The following IRAG1 variants were observed in gnomAD, a reference collection of about 807,000 sequenced individuals.
IRAG1 encodes the protein inositol 1,4,5-triphosphate receptor associated 1.
A neutral mutation model predicts 106.2 loss-of-function variants in IRAG1; 62 were observed. The ratio of observed to expected loss-of-function variants is 0.58; its 90% confidence interval spans 0.48 to 0.72. The LOEUF (loss-of-function observed/expected upper bound fraction) is 0.72. Ranked by LOEUF, IRAG1 falls within the 30% of genes least tolerant of loss-of-function variation. IRAG1 has a pLI of 0.00. For missense variants in IRAG1, 1,064 were observed against 1,140.7 expected (o/e 0.93, Z 0.97); for synonymous variants, 462 against 443.9 (o/e 1.04, Z -0.51).
chr11:10,615,152 A>AT (rs1855296228), intron 10 of IRAG1, among the ~76,000 whole-genome samples: 1 of 152,268 alleles, frequency 6.6e-6, no homozygotes, highest in Non-Finnish European at 1.5e-5. Context: ...AAAAGAAGAC[A>AT]TTTATGCAGC....
At chr11:10,691,298 C>T (rs540397536) in intron 1 of IRAG1, among the ~76,000 whole-genome samples, 6 of 152,232 alleles carry the variant, frequency 3.9e-5, no homozygotes, top group Non-Finnish European at 7.3e-5. Flanking sequence ...AGACACACAA[C>T]GGGTGAGGAA....
At chr11:10,661,266 TC>T (rs1193692062) in intron 1 of IRAG1, among the ~76,000 whole-genome samples, 1 of 152,116 alleles carries the variant, frequency 6.6e-6, no homozygotes, top group Non-Finnish European at 1.5e-5. Flanking sequence ...CTGCCTTCTG[TC>T]CTCCTTCTAT....
intron 15 of IRAG1, among the ~76,000 whole-genome samples, chr11:10,596,133 A>G (rs1009977035): frequency 2.0e-5 from 3 of 152,134 alleles, no homozygotes; most frequent in Admixed American, 2.0e-4. Context: ...TGTCTTTGCT[A>G]TTGTGAAAAG....
intron 10 of IRAG1, among the ~76,000 whole-genome samples, chr11:10,612,528 A>G (rs548810972): frequency 6.6e-6 from 1 of 152,348 alleles, no homozygotes; most frequent in East Asian, 1.9e-4. Flanking sequence ...GAAGGAGTCA[A>G]CAAAAACTAA....
chr11:10,579,198 A>G (rs2134066469), intron 20 of IRAG1, among the ~76,000 whole-genome samples: 1 of 152,282 alleles, frequency 6.6e-6, no homozygotes, highest in Non-Finnish European at 1.5e-5. Flanking sequence ...AATGGGGTCG[A>G]CCAGCATGGG....
chr11:10,608,842 CTATT>C (rs1854699898), intron 11 of IRAG1, among the ~76,000 whole-genome samples: 1 of 152,204 alleles, frequency 6.6e-6, no homozygotes, highest in Admixed American at 6.5e-5. Flanking sequence ...TGAGGAAGTA[CTATT>C]TATTTTTAAA....
intron 4 of IRAG1, among the ~76,000 whole-genome samples, chr11:10,630,777 T>A (rs997862471): frequency 3.3e-5 from 5 of 152,214 alleles, no homozygotes; most frequent in East Asian, 1.9e-4. Context: ...CCATTTCACC[T>A]CCATCGGGTT....
intron 1 of IRAG1, among the ~76,000 whole-genome samples, chr11:10,668,109 T>C (rs1036003882): frequency 6.6e-6 from 1 of 152,236 alleles, no homozygotes; most frequent in East Asian, 1.9e-4. Context: ...TCCCCCCATC[T>C]GTCTCCATGA....
chr11:10,628,939 G>T lies in IRAG1; in HGVS notation c.575-111C>A. The T allele has an allele frequency of 1.0e-6, 1 of 970,798 alleles. No individual in the cohort carries two copies. Among genetic ancestry groups the T allele is most frequent in the Non-Finnish European group, 1.5e-6 (1 of 648,732 alleles). 60.1% of individuals were successfully genotyped at this position (970,798 alleles called of 1,614,324 possible). A position where few individuals can be genotyped will look rare whatever the true frequency, so the allele number is the denominator to read the frequency against. Reference sequence around the variant, plus strand: ...CCCTGGGAACTGGGTCTGCCTTGCTGGGCTCAGGGGCTGATGCTGGACTGC... The same window carrying T: ...CCCTGGGAACTGGGTCTGCCTTGCTTGGCTCAGGGGCTGATGCTGGACTGC... On this transcript the variant is annotated intron_variant, in intron 5 of 20. Coordinates refer to ENST00000423302, the MANE Select transcript of IRAG1 (RefSeq NM_130385.4). The surrounding 1 kb of genome is among the most constrained non-coding windows in gnomAD (Gnocchi z 4.1).
intron 18 of IRAG1, among the ~76,000 whole-genome samples, chr11:10,586,679 A>C (rs958143695): frequency 6.6e-6 from 1 of 151,988 alleles, no homozygotes; most frequent in African/African-American, 2.4e-5. Flanking sequence ...CGGCCTCCCA[A>C]AGTGCTGGGG....
intron 19 of IRAG1, among the ~76,000 whole-genome samples, chr11:10,580,815 G>A (rs1449770054): frequency 1.3e-5 from 2 of 152,208 alleles, no homozygotes; most frequent in African/African-American, 2.4e-5. Flanking sequence ...GTGAAAGTGT[G>A]ACAAAACTGA....
intron 15 of IRAG1, 79 bp downstream of exon 15, chr11:10,600,839 T>C: frequency 6.4e-7 from 1 of 1,568,994 alleles, no homozygotes; most frequent in South Asian, 1.2e-5. Context: ...GGGGCTGTTC[T>C]GACAGCTCTA....
At chr11:10,604,657 A>G in intron 12 of IRAG1, 112 bp from the exon 13 acceptor site, 1 of 1,256,562 alleles carries the variant, frequency 8.0e-7, no homozygotes, top group Non-Finnish European at 1.1e-6. Context: ...AACAGCCGCC[A>G]AAGCACCAAA....
intron 1 of IRAG1, among the ~76,000 whole-genome samples, chr11:10,685,876 C>T (rs1861629671): frequency 6.6e-6 from 1 of 152,174 alleles, no homozygotes. Context: ...CAAGGTGATG[C>T]TCCTTGGGGA....
chr11:10,603,388 G>A, intron 13 of IRAG1, 137 bp from the exon 14 acceptor site: 1 of 921,928 alleles, frequency 1.1e-6, no homozygotes, highest in South Asian at 1.7e-5. Flanking sequence ...GATGGTTTGG[G>A]GATGAAACTC....
At chr11:10,617,353 GA>G (rs1855512552) in intron 10 of IRAG1, 1 of 202,646 alleles carries the variant, frequency 4.9e-6, no homozygotes, top group Non-Finnish European at 8.7e-6. Context: ...AGGAGCAAGG[GA>G]AAAAGAGGGA....
At chr11:10,679,467 T>A (rs1317356576) in intron 1 of IRAG1, among the ~76,000 whole-genome samples, 1 of 152,154 alleles carries the variant, frequency 6.6e-6, no homozygotes, top group Non-Finnish European at 1.5e-5. Flanking sequence ...ACTTTGCAGA[T>A]AAGGAAACTG....
intron 1 of IRAG1, among the ~76,000 whole-genome samples, chr11:10,680,700 G>C (rs1554935858): frequency 6.6e-6 from 1 of 152,074 alleles, no homozygotes; most frequent in Non-Finnish European, 1.5e-5. Context: ...CCTGCCATGT[G>C]ACCTTGGGCA....
chr11:10,650,189 T>C (rs929669257), intron 2 of IRAG1, among the ~76,000 whole-genome samples: 3 of 152,242 alleles, frequency 2.0e-5, no homozygotes, highest in Non-Finnish European at 2.9e-5. Context: ...CAAGATGTTG[T>C]AGAACTTGGC....
Sources: allele counts gnomAD v4.1 joint callset (sites outside exome capture counted in the v4.1 genomes callset), GRCh38; gene constraint gnomAD v4.1.1; non-coding constraint Gnocchi (gnomAD v3.1); transcripts MANE v1.5; gene names NCBI Gene and HGNC (gene_info 2026-07-23, HGNC 2026-07-21).